ADK: variants seen among roughly 807,000 people sequenced by gnomAD.
ADK encodes adenosine kinase.
Under a neutral mutation model 44.7 loss-of-function variants are expected in ADK, and 24 were observed. The observed-to-expected ratio is 0.54, with a 90% CI of 0.39 to 0.76. The LOEUF (loss-of-function observed/expected upper bound fraction) is 0.76. Ranked by LOEUF, ADK falls within the 30% of genes least tolerant of loss-of-function variation. The pLI, the probability that ADK is intolerant of heterozygous loss-of-function variation, is 0.00. For missense variants in ADK, 321 were observed against 425.1 expected, an observed-to-expected ratio of 0.76 and a Z score of 2.15; for synonymous variants, 128 against 142.6, an observed-to-expected ratio of 0.90 and a Z score of 0.73.
intron 6 of ADK, among the ~76,000 whole-genome samples, chr10:74,438,492 A>G (rs1193432493): frequency 6.6e-6 from 1 of 151,852 alleles, no homozygotes; most frequent in African/African-American, 2.4e-5. Flanking sequence ...AGCCTCCCAA[A>G]GTACTGGGAT....
At chr10:74,200,406 C>T (rs572651834) in intron 1 of ADK, among the ~76,000 whole-genome samples, 1 of 151,216 alleles carries the variant, frequency 6.6e-6, no homozygotes, top group Non-Finnish European at 1.5e-5. Flanking sequence ...ATCACTTGAA[C>T]CTGGGAGGTG....
chr10:74,215,157 C>T (rs952979475), intron 2 of ADK, among the ~76,000 whole-genome samples: 5 of 152,098 alleles, frequency 3.3e-5, no homozygotes, highest in African/African-American at 1.2e-4. Flanking sequence ...TTGAGGACTA[C>T]CACTGTACCA....
chr10:74,605,885 G>C (rs1447414491), intron 9 of ADK, among the ~76,000 whole-genome samples: 1 of 152,008 alleles, frequency 6.6e-6, no homozygotes, highest in Non-Finnish European at 1.5e-5. Flanking sequence ...GCTTTTTTTG[G>C]TTGATAGGCT....
intron 5 of ADK, among the ~76,000 whole-genome samples, chr10:74,397,361 T>C (rs1843555664): frequency 6.6e-6 from 1 of 151,996 alleles, no homozygotes; most frequent in African/African-American, 2.4e-5. Context: ...GATAAGATTT[T>C]TTTTGTAAGC....
chr10:74,195,602 G>C (rs1474450241), intron 1 of ADK, among the ~76,000 whole-genome samples: 1 of 151,684 alleles, frequency 6.6e-6, no homozygotes, highest in East Asian at 1.9e-4. Flanking sequence ...TCCCACCTCA[G>C]CCTCCCTGGT....
chr10:74,615,372 C>T (rs1211456454), intron 9 of ADK, among the ~76,000 whole-genome samples: 1 of 152,088 alleles, frequency 6.6e-6, no homozygotes, highest in Non-Finnish European at 1.5e-5. Flanking sequence ...TTTATTTTCT[C>T]AATAAAATTC....
intron 6 of ADK, among the ~76,000 whole-genome samples, chr10:74,410,697 C>G (rs779128910): frequency 2.0e-5 from 3 of 152,080 alleles, no homozygotes; most frequent in Non-Finnish European, 4.4e-5. Flanking sequence ...AACAAACAAA[C>G]AAACAAAAAC....
chr10:74,541,506 A>G (rs1189086915), intron 7 of ADK, among the ~76,000 whole-genome samples: 1 of 152,060 alleles, frequency 6.6e-6, no homozygotes, highest in African/African-American at 2.4e-5. Context: ...GACCATGACA[A>G]TTTTGAAGAG....
At chr10:74,660,305 A>AT (rs1398526359) in intron 9 of ADK, among the ~76,000 whole-genome samples, 1 of 151,936 alleles carries the variant, frequency 6.6e-6, no homozygotes, top group East Asian at 1.9e-4. Flanking sequence ...GTTTTTTTGT[A>AT]TTTTTTTGTA....
intron 10 of ADK, 142 bp downstream of exon 10, chr10:74,670,411 T>G: frequency 1.5e-6 from 1 of 685,282 alleles, no homozygotes; most frequent in Non-Finnish European, 2.5e-6. Context: ...TCCATATACT[T>G]CTATCATTGT....
intron 4 of ADK, among the ~76,000 whole-genome samples, chr10:74,382,047 A>G (rs1290111504): frequency 6.6e-6 from 1 of 152,070 alleles, no homozygotes; most frequent in Non-Finnish European, 1.5e-5. Context: ...TGACATTCTT[A>G]TGTCTAAAGA....
chr10:74,163,019 G>C (rs913101374), intron 1 of ADK, among the ~76,000 whole-genome samples: 10 of 151,790 alleles, frequency 6.6e-5, no homozygotes, highest in African/African-American at 2.2e-4. Context: ...CCAGGCTGGA[G>C]TGCAGTGGCA....
chr10:74,532,394 C>T (rs1397474400), intron 7 of ADK, among the ~76,000 whole-genome samples: 2 of 146,998 alleles, frequency 1.4e-5, no homozygotes, highest in Non-Finnish European at 3.0e-5. Context: ...AGGAGAATCG[C>T]TTGAACTGGG....
chr10:74,421,052 A>G (rs1387438815), intron 6 of ADK, among the ~76,000 whole-genome samples: 1 of 152,162 alleles, frequency 6.6e-6, no homozygotes, highest in Non-Finnish European at 1.5e-5. Context: ...GGTTTTTTAA[A>G]TGTTAGGGAT....
intron 3 of ADK, among the ~76,000 whole-genome samples, chr10:74,238,228 C>T (rs1845049591): frequency 6.6e-6 from 1 of 152,200 alleles, no homozygotes; most frequent in Non-Finnish European, 1.5e-5. Context: ...TCTTATCACA[C>T]ACACATTCCT....
At chr10:74,356,489 T>G (rs2131925934) in intron 4 of ADK, among the ~76,000 whole-genome samples, 1 of 152,374 alleles carries the variant, frequency 6.6e-6, no homozygotes, top group African/African-American at 2.4e-5. Flanking sequence ...TTTTTCATTC[T>G]GTTTGTACAG....
intron 4 of ADK, among the ~76,000 whole-genome samples, chr10:74,348,888 A>T (rs1302506260): frequency 6.6e-6 from 1 of 152,094 alleles, no homozygotes; most frequent in Admixed American, 6.6e-5. Flanking sequence ...GGAATGAACA[A>T]AACCTCCAAG....
chr10:74,659,802 A>C (rs900764582), intron 9 of ADK, among the ~76,000 whole-genome samples: 1 of 152,078 alleles, frequency 6.6e-6, no homozygotes, highest in Non-Finnish European at 1.5e-5. Flanking sequence ...TGGCCTTCTC[A>C]TGTTTTTCTG....
chr10:74,622,779 G>A (rs953901582), intron 9 of ADK, among the ~76,000 whole-genome samples: 6 of 152,062 alleles, frequency 3.9e-5, no homozygotes, highest in African/African-American at 1.4e-4. Flanking sequence ...AGGCCAAGGC[G>A]GGAGGGTCAC....
Sources: allele counts gnomAD v4.1 joint callset (sites outside exome capture counted in the v4.1 genomes callset), GRCh38; gene constraint gnomAD v4.1.1; transcripts MANE v1.5; gene names NCBI Gene and HGNC (gene_info 2026-07-23, HGNC 2026-07-21).